The following ITGA5 variants were observed in gnomAD, a reference collection of about 807,000 sequenced individuals.
ITGA5 encodes integrin subunit alpha 5.
ITGA5 carries 55 observed loss-of-function variants against 146.3 expected under a neutral mutation model. That is an observed-to-expected ratio of 0.38 (90% CI 0.30 to 0.47). The LOEUF (loss-of-function observed/expected upper bound fraction) is 0.47. Ranked by LOEUF, ITGA5 falls within the 20% of genes least tolerant of loss-of-function variation. ITGA5 has a pLI of 0.99. For missense variants in ITGA5, 1,131 were observed against 1,329.0 expected, an observed-to-expected ratio of 0.85 and a Z score of 2.32; for synonymous variants, 500 against 531.8, an observed-to-expected ratio of 0.94 and a Z score of 0.82.
At position 54,409,083 on chromosome 12, in the gene ITGA5, T is replaced by C; in HGVS notation, c.584-129A>G. 2 of 1,409,682 alleles carry C rather than the reference T, an allele frequency of 1.4e-6. No homozygotes were observed. Among genetic ancestry groups the C allele is most frequent in the Non-Finnish European group, 2.0e-6 (2 of 1,015,988 alleles). The allele number at this position is 1,409,682 out of a possible 1,614,324, so 87.3% of individuals were successfully genotyped here. On this transcript the variant is annotated intron_variant, in intron 4 of 29. Transcript: ENST00000293379. This position sits in a 1 kb window ranked among gnomAD's most constrained non-coding sequence, Gnocchi z 4.7. ...GCCTTCCTGGACCAGACAGTAAGCATAAAGGCTAACGAACTGGGTTAGCCT... is the reference window on the plus strand; with the variant it reads ...GCCTTCCTGGACCAGACAGTAAGCACAAAGGCTAACGAACTGGGTTAGCCT...
intron 25 of ITGA5, 163 bp downstream of exon 25, chr12:54,400,683 T>C (rs763203843): frequency 1.3e-5 from 8 of 617,890 alleles, no homozygotes; most frequent in Non-Finnish European, 1.9e-5. Context: ...AAGTCCTTTT[T>C]CCTCCAGAGG....
At chr12:54,415,932 A>C (rs1472179781) in intron 1 of ITGA5, among the ~76,000 whole-genome samples, 1 of 152,238 alleles carries the variant, frequency 6.6e-6, no homozygotes, top group African/African-American at 2.4e-5. Context: ...TCCTGGGCCA[A>C]GTCACTGCCT....
At chr12:54,404,937 CA>C in intron 12 of ITGA5, 43 bp from the exon 13 acceptor site, 1 of 1,468,050 alleles carries the variant, frequency 6.8e-7, no homozygotes, top group Non-Finnish European at 9.1e-7. Context: ...GCCAGGAATC[CA>C]TGGGCTCTAA....
intron 12 of ITGA5, 47 bp from the exon 13 acceptor site, chr12:54,404,941 G>GCCT: frequency 6.9e-7 from 1 of 1,449,530 alleles, no homozygotes; most frequent in Non-Finnish European, 9.2e-7. Context: ...GGAATCCATG[G>GCCT]GCTCTAATCT....
At position 54,408,133 on chromosome 12, in the gene ITGA5, G is replaced by A; in HGVS notation, c.794C>T (p.Ser265Phe). The A allele has an allele frequency of 6.2e-7, 1 of 1,614,188 alleles. No individual in the cohort carries two copies. The highest frequency in any genetic ancestry group is 8.5e-7 in the Non-Finnish European group (1 of 1,180,042). Residue 265 changes from serine (S) to phenylalanine (F), a missense_variant, in exon 7 of 30, where the codon TCC becomes TTC. Around this residue, in one of 3 missense-constraint regions of ITGA5, gnomAD observed 889 missense variants for 1,021.5 expected, o/e 0.87. Coordinates refer to ENST00000293379, the MANE Select transcript of ITGA5 (RefSeq NM_002205.5). The stretch of plus-strand genomic sequence containing the variant: ...ACCTAGGTAGCTGTCATCATAGATG[G>A]AACTGGCCTGGCGAGTCTGCAGCTG... ...QGQLQTRQAS[S>F]IYDDSYLGYS...
chr12:54,402,104 G>T lies in ITGA5; in HGVS notation c.2134-11C>A. On this transcript the variant is annotated splice_polypyrimidine_tract_variant and intron_variant, in intron 20 of 29. Coordinates refer to ENST00000293379, the MANE Select transcript of ITGA5 (RefSeq NM_002205.5). ...CAGGCTGGAGAAGTTCTGGAGATGG[G>T]GTGGGCACTGGTCAGGTTTTGGTGT... The T allele has an allele frequency of 6.2e-7, 1 of 1,614,008 alleles. No homozygotes were observed. Among genetic ancestry groups the T allele is most frequent in the Non-Finnish European group, 8.5e-7 (1 of 1,179,956 alleles).
intron 1 of ITGA5, among the ~76,000 whole-genome samples, chr12:54,417,481 G>T (rs1268358115): frequency 6.7e-6 from 1 of 150,314 alleles, no homozygotes; most frequent in East Asian, 2.0e-4. Context: ...GGCCAGGGGG[G>T]TGGGGTGGGG....
In ITGA5 at chr12:54,405,232, C is replaced by T. The variant is rs776870697; in HGVS notation, c.1159G>A (p.Asp387Asn). The change falls in exon 12 of 30, where the codon GAT (aspartate) becomes AAT (asparagine). Residue 387 changes from aspartate (D) to asparagine (N), a missense_variant. Asp to Asn is a conservative substitution (Grantham distance 23). This residue lies in a region of ITGA5 where 889 missense variants were observed against 1,021.5 expected (regional missense o/e 0.87). Coordinates refer to ENST00000293379, the MANE Select transcript of ITGA5 (RefSeq NM_002205.5). ...PTPTLTLTGH[D>N]EFGRFGSSLT... The stretch of plus-strand genomic sequence containing the variant: ...GAGCTGCCAAATCGGCCAAACTCAT[C>T]ATGGCCAGTGAGGGTAAGGGTGGGC... The T allele has an allele frequency of 2.1e-5, 34 of 1,613,272 alleles. No individual in the cohort carries two copies. Among genetic ancestry groups the T allele is most frequent in the Non-Finnish European group, 2.8e-5 (33 of 1,179,472 alleles).
At chr12:54,406,110 C>A in intron 9 of ITGA5, 184 bp from the exon 10 acceptor site, 1 of 609,962 alleles carries the variant, frequency 1.6e-6, no homozygotes, top group Non-Finnish European at 2.9e-6. Context: ...CACCCTATGT[C>A]TGCTTCACTA....
chr12:54,418,076 G>A (rs1415753330), intron 1 of ITGA5, among the ~76,000 whole-genome samples: 1 of 152,056 alleles, frequency 6.6e-6, no homozygotes, highest in Non-Finnish European at 1.5e-5. Context: ...GCCCCACGGA[G>A]CCCCCGTCTC....
In ITGA5 at chr12:54,403,457, G is replaced by T; in HGVS notation, c.1777-133C>A. On this transcript the variant is annotated intron_variant, in intron 17 of 29. Coordinates refer to ENST00000293379, the MANE Select transcript of ITGA5 (RefSeq NM_002205.5). This position sits in a 1 kb window ranked among gnomAD's most constrained non-coding sequence, Gnocchi z 4.9. Reference sequence around the variant, plus strand: ...CCATCCTCATTGTTTCAGAGGCCCTGGCAGCCTGCTTCCCAGCTCCTCTGA... The same window carrying T: ...CCATCCTCATTGTTTCAGAGGCCCTTGCAGCCTGCTTCCCAGCTCCTCTGA... The T allele has an allele frequency of 7.7e-7, 1 of 1,294,314 alleles. No individual in the cohort carries two copies. The highest frequency in any genetic ancestry group is 1.1e-6 in the Non-Finnish European group (1 of 946,040). 80.2% of individuals were successfully genotyped at this position (1,294,314 alleles called of 1,614,324 possible).
At chr12:54,418,283 C>G (rs1592296203) in intron 1 of ITGA5, among the ~76,000 whole-genome samples, 1 of 151,972 alleles carries the variant, frequency 6.6e-6, no homozygotes, top group Non-Finnish European at 1.5e-5. Context: ...AGCCCCAGGG[C>G]CCCAGTGCCA....
rs545247053 is a variant in ITGA5 at position 54,404,495 on chromosome 12, C to T, written c.1418-20G>A. ...TCAGATCTGTAAGAAGTCAAGAAATCACCTCTTACAGCAAGCCCCAGATCA... is the reference window on the plus strand; with the variant it reads ...TCAGATCTGTAAGAAGTCAAGAAATTACCTCTTACAGCAAGCCCCAGATCA... On this transcript the variant is annotated intron_variant, in intron 13 of 29. Coordinates refer to ENST00000293379, the MANE Select transcript of ITGA5 (RefSeq NM_002205.5). 2 of 1,613,752 alleles carry T rather than the reference C, an allele frequency of 1.2e-6. No homozygotes were observed. The highest frequency in any genetic ancestry group is 1.7e-5 in the Admixed American group (1 of 60,032).
intron 1 of ITGA5, chr12:54,412,534 C>T (rs1290901359): frequency 5.2e-5 from 8 of 152,564 alleles, no homozygotes; most frequent in African/African-American, 1.9e-4. Flanking sequence ...ACAGTGAAAA[C>T]AGATTGTTCC....
At chr12:54,402,556 C>T (rs1173260836) in intron 19 of ITGA5, among the ~76,000 whole-genome samples, 2 of 151,948 alleles carry the variant, frequency 1.3e-5, no homozygotes, top group African/African-American at 4.8e-5. Flanking sequence ...AAAAAATTAG[C>T]CCGGCATGGT....
At chr12:54,408,988 G>C in intron 4 of ITGA5, 34 bp from the exon 5 acceptor site, 1 of 1,595,690 alleles carries the variant, frequency 6.3e-7, no homozygotes, top group East Asian at 2.2e-5. Flanking sequence ...AATGAGCCCT[G>C]CATAGATGGG....
At chr12:54,411,664 G>A (rs1283647670) in intron 2 of ITGA5, among the ~76,000 whole-genome samples, 170 bp downstream of exon 2, 1 of 152,188 alleles carries the variant, frequency 6.6e-6, no homozygotes, top group Non-Finnish European at 1.5e-5. Context: ...GGAGAGTGGA[G>A]TGAGTGCCAT....
rs1460385383 is a variant in ITGA5 at position 54,398,752 on chromosome 12, T to C, written c.2842-54A>G. On this transcript the variant is annotated intron_variant, in intron 27 of 29. Transcript: ENST00000293379. ...ATCCTCTCTTGGGATCCAGAGGACA[T>C]AGGGTTCCCCATCGTCTGGCTGGGG... is the stretch of plus-strand genomic sequence containing the variant. 9.7e-6 allele frequency: 12 copies of C among 1,232,766 alleles called. No individual in the cohort carries two copies. The African/African-American group carries it at 1.1e-4, about 11-fold the overall frequency. The allele number at this position is 1,232,766 out of a possible 1,614,324, so 76.4% of individuals were successfully genotyped here. A position where few individuals can be genotyped will look rare whatever the true frequency, so the allele number is the denominator to read the frequency against.
In ITGA5 at chr12:54,405,676, A is replaced by G; in HGVS notation, c.1004T>C (p.Val335Ala). 2.5e-6 allele frequency: 4 copies of G among 1,613,754 alleles called. No homozygotes were observed. The highest frequency in any genetic ancestry group is 3.4e-6 in the Non-Finnish European group (4 of 1,179,738). Reference sequence around the variant, plus strand: ...TCCCACCACTCACCCGTCCCCATTGACGTCTGTGGCGGCCACTGCATAGCC... The same window carrying G: ...TCCCACCACTCACCCGTCCCCATTGGCGTCTGTGGCGGCCACTGCATAGCC... ...YFGYAVAATD[V>A]NGDGLDDLLV... Residue 335 changes from valine (V) to alanine (A), a missense_variant, in exon 11 of 30, where the codon GTC becomes GCC. By Grantham distance (64) the Val-to-Ala change is moderately conservative. Around this residue, in one of 3 missense-constraint regions of ITGA5, gnomAD observed 889 missense variants for 1,021.5 expected, o/e 0.87. Coordinates refer to ENST00000293379, the MANE Select transcript of ITGA5 (RefSeq NM_002205.5).
Sources: allele counts gnomAD v4.1 joint callset (sites outside exome capture counted in the v4.1 genomes callset), GRCh38; gene constraint gnomAD v4.1.1; regional missense constraint gnomAD v4.1.1; non-coding constraint Gnocchi (gnomAD v3.1); transcripts MANE v1.5; gene names NCBI Gene and HGNC (gene_info 2026-07-23, HGNC 2026-07-21).